Variants in LINGO2 observed in about 807,000 individuals in gnomAD.
The protein encoded by LINGO2 is leucine rich repeat and Ig domain containing 2.
LINGO2 carries 14 observed loss-of-function variants against 30.6 expected under a neutral mutation model. The ratio of observed to expected loss-of-function variants is 0.46; its 90% CI spans 0.30 to 0.72. LINGO2 has a LOEUF of 0.72. Among genes scored for constraint, LINGO2 ranks in the 30% least tolerant of loss-of-function variants. The pLI is 0.07. For synonymous variants in LINGO2, 317 were observed against 288.5 expected, an observed-to-expected ratio of 1.10 and a Z score of -1.00; for missense variants, 729 against 751.7, an observed-to-expected ratio of 0.97 and a Z score of 0.35.
intron 1 of LINGO2, among the ~76,000 whole-genome samples, chr9:28,531,317 T>G (rs1359767208): frequency 6.6e-6 from 1 of 151,908 alleles, no homozygotes; most frequent in East Asian, 1.9e-4. Context: ...CCACACAATC[T>G]CGGGAGCATT....
the LINGO2 span, among the ~76,000 whole-genome samples, chr9:28,846,464 C>T: frequency 7.8e-6 from 1 of 128,608 alleles, no homozygotes; most frequent in East Asian, 2.3e-4. Context: ...TGAGAATTTC[C>T]CCTTCCTGAA....
chr9:28,143,644 G>C (rs184694384), intron 4 of LINGO2, among the ~76,000 whole-genome samples: 1 of 152,172 alleles, frequency 6.6e-6, no homozygotes, highest in Admixed American at 6.5e-5. Flanking sequence ...GTTGGTTTTT[G>C]TGTATGAAAC....
intron 4 of LINGO2, among the ~76,000 whole-genome samples, chr9:28,267,786 C>T (rs967971390): frequency 2.6e-5 from 4 of 152,004 alleles, no homozygotes; most frequent in Non-Finnish European, 5.9e-5. Flanking sequence ...GTCCCAGTTT[C>T]CTTCCAGGGC....
chr9:28,730,532 G>A, the LINGO2 span, among the ~76,000 whole-genome samples: 3 of 152,152 alleles, frequency 2.0e-5, no homozygotes, highest in Admixed American at 6.5e-5. Flanking sequence ...CAGAATGGGA[G>A]AAATGTTTGC....
At chr9:28,011,922 T>C (rs995645402) in intron 5 of LINGO2, among the ~76,000 whole-genome samples, 2 of 150,774 alleles carry the variant, frequency 1.3e-5, no homozygotes, top group African/African-American at 5.0e-5. Context: ...GGAATGTTGG[T>C]CTCAGCTGTT....
the LINGO2 span, among the ~76,000 whole-genome samples, chr9:28,995,886 G>T: frequency 2.8e-5 from 2 of 71,968 alleles, no homozygotes; most frequent in African/African-American, 7.7e-5. Flanking sequence ...AGGGGGATGG[G>T]GGAGGGATAG....
upstream of LINGO2, among the ~76,000 whole-genome samples, chr9:28,674,709 C>A (rs1027381873): frequency 6.6e-6 from 1 of 152,078 alleles, no homozygotes; most frequent in African/African-American, 2.4e-5. Flanking sequence ...ATTATTGATA[C>A]TTTATATACA....
chr9:29,172,141 T>A, the LINGO2 span, among the ~76,000 whole-genome samples: 1 of 152,086 alleles, frequency 6.6e-6, no homozygotes, highest in South Asian at 2.1e-4. Flanking sequence ...AATCCTATTT[T>A]TTAAATCTTG....
intron 4 of LINGO2, among the ~76,000 whole-genome samples, chr9:28,111,375 C>T (rs1284975803): frequency 6.6e-6 from 1 of 151,558 alleles, no homozygotes; most frequent in Non-Finnish European, 1.5e-5. Flanking sequence ...GCACATTCTG[C>T]ACATGTATCC....
intron 4 of LINGO2, among the ~76,000 whole-genome samples, chr9:28,284,883 A>T (rs762253065): frequency 8.5e-5 from 13 of 152,222 alleles, no homozygotes; most frequent in Non-Finnish European, 1.8e-4. Flanking sequence ...ACTATATATT[A>T]GATTATTAAG....
At chr9:28,083,710 G>A (rs1825834517) in intron 4 of LINGO2, among the ~76,000 whole-genome samples, 1 of 152,138 alleles carries the variant, frequency 6.6e-6, no homozygotes, top group African/African-American at 2.4e-5. Flanking sequence ...TGTTACCGAT[G>A]CCACATTAAG....
chr9:28,726,620 C>T, the LINGO2 span, among the ~76,000 whole-genome samples: 1 of 152,028 alleles, frequency 6.6e-6, no homozygotes, highest in Non-Finnish European at 1.5e-5. Context: ...TTATAAAAAA[C>T]AGCACTAACA....
At chr9:27,984,743 T>C (rs957366739) in intron 5 of LINGO2, among the ~76,000 whole-genome samples, 1 of 151,870 alleles carries the variant, frequency 6.6e-6, no homozygotes, top group Admixed American at 6.6e-5. Context: ...GGAGATTGGC[T>C]TTTACTGAGA....
At chr9:29,171,761 A>AT in the LINGO2 span, among the ~76,000 whole-genome samples, 2 of 151,984 alleles carry the variant, frequency 1.3e-5, no homozygotes, top group African/African-American at 4.8e-5. Context: ...CATCTACCAT[A>AT]TTTTTTAATA....
the LINGO2 span, among the ~76,000 whole-genome samples, chr9:28,963,543 TACAC>T: frequency 4.7e-3 from 663 of 140,884 alleles, 5 homozygotes; most frequent in African/African-American, 0.015. Context: ...GGTATATGAA[TACAC>T]ACACACACAC....
the LINGO2 span, among the ~76,000 whole-genome samples, chr9:29,101,494 T>A: frequency 2.6e-5 from 4 of 152,180 alleles, no homozygotes; most frequent in Non-Finnish European, 4.4e-5. Flanking sequence ...TAGGCCTTTT[T>A]GTAGCTATTA....
At chr9:28,280,753 G>A (rs1823292960) in intron 4 of LINGO2, among the ~76,000 whole-genome samples, 1 of 152,132 alleles carries the variant, frequency 6.6e-6, no homozygotes, top group South Asian at 2.1e-4. Flanking sequence ...GCCATAGACT[G>A]AATAAGGAAA....
chr9:28,271,728 C>T (rs751013470), intron 4 of LINGO2, among the ~76,000 whole-genome samples: 93 of 152,136 alleles, frequency 6.1e-4, no homozygotes, highest in Non-Finnish European at 9.0e-4. Flanking sequence ...GTGGCTGTAC[C>T]CACTGCGATG....
intron 2 of LINGO2, among the ~76,000 whole-genome samples, chr9:28,382,967 A>G (rs1821413548): frequency 6.6e-6 from 1 of 152,080 alleles, no homozygotes; most frequent in African/African-American, 2.4e-5. Flanking sequence ...TATAACAAAT[A>G]TATAACAGTT....
Sources: gnomAD v4.1 joint callset for allele counts (sites outside exome capture counted in the v4.1 genomes callset) on GRCh38, gnomAD v4.1.1 for gene constraint, MANE v1.5 for transcripts, NCBI Gene and HGNC (gene_info 2026-07-23, HGNC 2026-07-21) for gene names.